The following CTNND2 variants were observed in gnomAD, a reference collection of about 807,000 sequenced individuals.
The protein encoded by CTNND2 is catenin delta-2.
Under a neutral mutation model 144.4 loss-of-function variants are expected in CTNND2, and 22 were observed. That is an observed-to-expected ratio of 0.15 (90% CI 0.11 to 0.22). The LOEUF (loss-of-function observed/expected upper bound fraction) is 0.22. CTNND2 is among the 10% of genes least tolerant of loss of function. CTNND2 has a pLI of 1.00. For missense variants in CTNND2, 1,353 were observed against 1,618.8 expected, an observed-to-expected ratio of 0.84 and a Z score of 2.82; for synonymous variants, 751 against 695.6, an observed-to-expected ratio of 1.08 and a Z score of -1.25.
intron 15 of CTNND2, among the ~76,000 whole-genome samples, chr5:11,097,913 T>C (rs1270297687): frequency 6.6e-6 from 1 of 152,194 alleles, no homozygotes; most frequent in Non-Finnish European, 1.5e-5. Flanking sequence ...ATTAGCGCAT[T>C]GGTGACCAGA....
intron 2 of CTNND2, among the ~76,000 whole-genome samples, chr5:11,676,383 T>A (rs1376373161): frequency 6.6e-6 from 1 of 152,026 alleles, no homozygotes; most frequent in African/African-American, 2.4e-5. Context: ...ATCTTTAGTA[T>A]TGTCAATCTA....
At chr5:11,277,517 T>TATTA (rs1424116989) in intron 9 of CTNND2, among the ~76,000 whole-genome samples, 1 of 147,698 alleles carries the variant, frequency 6.8e-6, no homozygotes, top group Non-Finnish European at 1.5e-5. Flanking sequence ...TTTATTTATT[T>TATTA]ATTTATTTAT....
intron 1 of CTNND2, among the ~76,000 whole-genome samples, chr5:11,865,903 A>AAAAAAAAAAC (rs1262242912): frequency 4.9e-5 from 1 of 20,208 alleles, no homozygotes; most frequent in African/African-American, 1.2e-4. Context: ...TGGAAGAGAC[A>AAAAAAAAAAC]AAAAAAAAAA....
intron 8 of CTNND2, among the ~76,000 whole-genome samples, chr5:11,363,601 AAAAAT>A (rs1209638047): frequency 2.0e-5 from 3 of 152,370 alleles, no homozygotes; most frequent in African/African-American, 7.2e-5. Flanking sequence ...TTATGATGTC[AAAAAT>A]AAAATAAAGA....
intron 9 of CTNND2, among the ~76,000 whole-genome samples, chr5:11,313,886 G>A (rs764504345): frequency 6.6e-6 from 1 of 152,142 alleles, no homozygotes; most frequent in Non-Finnish European, 1.5e-5. Context: ...CATGGCAGGA[G>A]CAAGAGGAAG....
chr5:11,891,823 C>T (rs543772466), intron 1 of CTNND2, among the ~76,000 whole-genome samples: 1 of 152,338 alleles, frequency 6.6e-6, no homozygotes, highest in South Asian at 2.1e-4. Flanking sequence ...TGGTGGAATC[C>T]TTCCAAAGCC....
rs532930788 is a variant in CTNND2 at position 11,853,672 on chromosome 5, C to T, written c.37+50145G>A. ...CTCTCAGACCTGCCCCACTCACTTT[C>T]TTCTCCTTCTCATTTGGTGCCAATT... On this transcript the variant is annotated intron_variant, in intron 1 of 21. Coordinates refer to ENST00000304623, the MANE Select transcript of CTNND2 (RefSeq NM_001332.4). 1.6e-4 allele frequency among the ~76,000 whole-genome samples: 24 copies of T among 152,288 alleles called. No homozygotes were observed. The South Asian group carries it at 4.6e-3, about 29-fold the overall frequency.
chr5:11,114,680 A>T lies in CTNND2; in HGVS notation c.2277+2770T>A, dbSNP rs190995263. Among the ~76,000 whole-genome samples, 44 of 152,318 alleles carry T rather than the reference A, an allele frequency of 2.9e-4. 1 individual carries two copies. Among genetic ancestry groups the T allele is most frequent in the South Asian group, 1.7e-3 (8 of 4,830 alleles). On this transcript the variant is annotated intron_variant, in intron 13 of 21. Transcript: ENST00000304623. ...TAGAAAGGGTTAATCTGGAAGTTGTAGAGTGCTCCACTATATGTTATCCAG... is the reference window on the plus strand; with the variant it reads ...TAGAAAGGGTTAATCTGGAAGTTGTTGAGTGCTCCACTATATGTTATCCAG...
chr5:11,126,123 G>C (rs1410049421), intron 12 of CTNND2, among the ~76,000 whole-genome samples: 1 of 152,178 alleles, frequency 6.6e-6, no homozygotes, highest in Admixed American at 6.5e-5. Context: ...CCAACATGGA[G>C]AATCCCTGTC....
chr5:11,129,041 A>ATTATATATAAAAATATATAGT, intron 12 of CTNND2, among the ~76,000 whole-genome samples: 1 of 30,742 alleles, frequency 3.3e-5, no homozygotes, highest in Admixed American at 6.6e-4. Context: ...ATAAATATAT[A>ATTATATATAAAAATATATAGT]TTATATATAA....
intron 5 of CTNND2, among the ~76,000 whole-genome samples, chr5:11,409,788 C>A (rs1216954562): frequency 2.6e-5 from 4 of 152,036 alleles, no homozygotes; most frequent in Non-Finnish European, 5.9e-5. Flanking sequence ...ACACTTATTT[C>A]ATTAAATGTT....
At chr5:11,376,466 TATC>T (rs1757958107) in intron 7 of CTNND2, among the ~76,000 whole-genome samples, 1 of 152,172 alleles carries the variant, frequency 6.6e-6, no homozygotes, top group South Asian at 2.1e-4. Flanking sequence ...TTTGATAATT[TATC>T]ATATTTGAGA....
At chr5:11,829,667 G>A (rs368835489) in intron 1 of CTNND2, among the ~76,000 whole-genome samples, 2 of 152,348 alleles carry the variant, frequency 1.3e-5, no homozygotes, top group African/African-American at 4.8e-5. Flanking sequence ...ACAGAGGCAG[G>A]GCTCTCATGG....
At position 11,098,557 on chromosome 5, in the gene CTNND2, G is replaced by T; in HGVS notation, c.2637+18C>A. On this transcript the variant is annotated intron_variant, in intron 15 of 21. Transcript: ENST00000304623. ...TCATAACTCCAGATTTCTTTTTATT[G>T]TAATGAACTGGCCATACCTTCCAGC... The T allele has an allele frequency of 6.2e-7, 1 of 1,601,980 alleles. No individual in the cohort carries two copies. Among genetic ancestry groups the T allele is most frequent in the Non-Finnish European group, 8.5e-7 (1 of 1,175,024 alleles).
At chr5:11,402,698 A>G (rs996662642) in intron 5 of CTNND2, among the ~76,000 whole-genome samples, 2 of 152,212 alleles carry the variant, frequency 1.3e-5, no homozygotes, top group Non-Finnish European at 2.9e-5. Context: ...ACCATTCCAA[A>G]AATGAGCTGA....
At chr5:11,164,763 T>C (rs1392783074) in intron 11 of CTNND2, among the ~76,000 whole-genome samples, 1 of 152,228 alleles carries the variant, frequency 6.6e-6, no homozygotes, top group African/African-American at 2.4e-5. Context: ...CCTGGATCAG[T>C]CTAGTCTACC....
intron 3 of CTNND2, among the ~76,000 whole-genome samples, chr5:11,509,964 C>T (rs902163136): frequency 2.6e-5 from 4 of 152,162 alleles, no homozygotes; most frequent in Non-Finnish European, 5.9e-5. Flanking sequence ...CAGGGTCTCG[C>T]TCTGTTGCTC....
intron 7 of CTNND2, among the ~76,000 whole-genome samples, chr5:11,374,758 A>C (rs1757760591): frequency 6.7e-6 from 1 of 150,282 alleles, no homozygotes; most frequent in African/African-American, 2.5e-5. Context: ...AATCCAGAAC[A>C]AGGTGCTCCC....
At chr5:11,402,107 A>G (rs544074498) in intron 5 of CTNND2, among the ~76,000 whole-genome samples, 12 of 152,190 alleles carry the variant, frequency 7.9e-5, no homozygotes, top group Non-Finnish European at 1.8e-4. Flanking sequence ...AGTTCATTAA[A>G]ATGGCCTGCA....
Sources: gnomAD v4.1 joint callset for allele counts (sites outside exome capture counted in the v4.1 genomes callset) on GRCh38, gnomAD v4.1.1 for gene constraint, MANE v1.5 for transcripts, NCBI Gene and HGNC (gene_info 2026-07-23, HGNC 2026-07-21) for gene names.